Variants in ARID4A observed in about 807,000 individuals in gnomAD.
ARID4A encodes the protein AT-rich interaction domain 4A.
A neutral mutation model predicts 148.6 loss-of-function variants in ARID4A; 39 were observed. The observed-to-expected ratio is 0.26, with a 90% confidence interval of 0.20 to 0.34. The LOEUF is 0.34. Ranked by LOEUF, ARID4A falls within the 10% of genes least tolerant of loss-of-function variation. The pLI, the probability that ARID4A is intolerant of heterozygous loss-of-function variation, is 1.00. For synonymous variants in ARID4A, 475 were observed against 481.2 expected (o/e 0.99, Z 0.17); for missense variants, 1,265 against 1,449.1 (o/e 0.87, Z 2.06).
chr14:58,365,753 G>T, intron 21 of ARID4A, 131 bp downstream of exon 21: 1 of 835,616 alleles, frequency 1.2e-6, no homozygotes, highest in Non-Finnish European at 1.8e-6. Context: ...TATTATACTA[G>T]ATATTTTGCC....
rs184839848 is a variant in ARID4A at position 58,309,107 on chromosome 14, T to G, written c.274+2995T>G. Among the ~76,000 whole-genome samples, 33 of 152,298 alleles carry G rather than the reference T, an allele frequency of 2.2e-4. No individual in the cohort carries two copies. In the East Asian group the frequency reaches 6.4e-3, roughly 29 times the overall value. On this transcript the variant is annotated intron_variant, in intron 5 of 23. Coordinates refer to ENST00000355431, the MANE Select transcript of ARID4A (RefSeq NM_002892.4). Reference sequence around the variant, plus strand: ...TGGTAATATCTTACCCTCTAATGGTTTATTTCTTGTTTGTTTGTTCGTTTT... The same window carrying G: ...TGGTAATATCTTACCCTCTAATGGTGTATTTCTTGTTTGTTTGTTCGTTTT...
At chr14:58,327,784 A>T (rs1180525398) in intron 8 of ARID4A, among the ~76,000 whole-genome samples, 1 of 151,976 alleles carries the variant, frequency 6.6e-6, no homozygotes, top group Non-Finnish European at 1.5e-5. Flanking sequence ...TGATCTTACC[A>T]TCCCAACCTT....
chr14:58,356,703 T>C (rs1409389412), intron 17 of ARID4A, among the ~76,000 whole-genome samples: 2 of 150,800 alleles, frequency 1.3e-5, no homozygotes, highest in Non-Finnish European at 3.0e-5. Context: ...ATTTTGATTT[T>C]TTTTTTTTTT....
In ARID4A at chr14:58,329,592, T is replaced by G. The variant is rs765009224; in HGVS notation, c.727T>G (p.Ser243Ala). Residue 243 changes from serine (S) to alanine (A), a missense_variant, in exon 10 of 24, where the codon TCC becomes GCC. Transcript: ENST00000355431. ...DILNLPESEL[S>A]TKPGLQKASI... is the part of the protein sequence containing the mutation. Reference sequence around the variant, plus strand: ...TCTCAATCTACCGGAATCTGAGCTCTCCACTAAACCAGGTAAAATAAAGAT... The same window carrying G: ...TCTCAATCTACCGGAATCTGAGCTCGCCACTAAACCAGGTAAAATAAAGAT... The G allele has an allele frequency of 6.2e-7, 1 of 1,602,410 alleles. No homozygotes were observed. The highest frequency in any genetic ancestry group is 8.6e-7 in the Non-Finnish European group (1 of 1,169,572).
chr14:58,365,897 T>C (rs1397663364), intron 21 of ARID4A, 127 bp from the exon 22 acceptor site: 7 of 896,010 alleles, frequency 7.8e-6, no homozygotes, highest in Non-Finnish European at 1.2e-5. Flanking sequence ...TTTATATTGT[T>C]ATAAACTTTG....
At position 58,299,825 on chromosome 14, in the gene ARID4A, G is replaced by A. The variant is rs1221942205; in HGVS notation, c.-30G>A. 6.2e-7 allele frequency: 1 copy of A among 1,614,224 alleles called. No individual in the cohort carries two copies. Among genetic ancestry groups the A allele is most frequent in the South Asian group, 1.1e-5 (1 of 91,088 alleles). On this transcript the variant is annotated 5_prime_UTR_variant, in exon 2 of 24. Coordinates refer to ENST00000355431, the MANE Select transcript of ARID4A (RefSeq NM_002892.4). ...CTAGCGACTGCGAAGATAGCTCGCT[G>A]AGCTGGAACCCCACAGATCACCAAC... is the stretch of plus-strand genomic sequence containing the variant.
At position 58,330,003 on chromosome 14, in the gene ARID4A, G is replaced by A. The variant is rs1483451289; in HGVS notation, c.740G>A (p.Gly247Glu). Reference protein sequence around the residue: ...LPESELSTKPGLQKASIFLKT... With the variant: ...LPESELSTKPELQKASIFLKT... ...TGCTGAAGTACATTTTCACTCTTAG[G>A]GCTTCAGAAAGCAAGCATCTTCTTA... The change falls in exon 11 of 24, where the codon GGG becomes GAG. Residue 247 changes from glycine to glutamate, a missense_variant and splice_region_variant. Around this residue, in one of 9 missense-constraint regions of ARID4A, gnomAD observed 249 missense variants for 277.2 expected, o/e 0.90. Transcript: ENST00000355431. The A allele has an allele frequency of 6.2e-7, 1 of 1,608,216 alleles. No homozygotes were observed. The highest frequency in any genetic ancestry group is 1.7e-5 in the Admixed American group (1 of 58,162).
chr14:58,351,270 A>C lies in ARID4A; in HGVS notation c.1602A>C (p.Lys534Asn), dbSNP rs1405511180. ...AGCAAAAAGAGAAGAAAATTAAAAAACAGGAGGATTCTGACAAAGACTCAG... is the reference window on the plus strand; with the variant it reads ...AGCAAAAAGAGAAGAAAATTAAAAACCAGGAGGATTCTGACAAAGACTCAG... The part of the protein sequence containing the change: ...TPKQKEKKIK[K>N]QEDSDKDSDE... Residue 534 changes from lysine (K) to asparagine (N), a missense_variant, in exon 16 of 24, where the codon AAA becomes AAC. Transcript: ENST00000355431. The C allele has an allele frequency of 6.2e-7, 1 of 1,610,814 alleles. No homozygotes were observed. The highest frequency in any genetic ancestry group is 1.1e-5 in the South Asian group (1 of 89,986).
chr14:58,365,254 T>G lies in ARID4A; in HGVS notation c.3165T>G (p.Ser1055=). The G allele has an allele frequency of 6.2e-7, 1 of 1,614,018 alleles. No individual in the cohort carries two copies. The highest frequency in any genetic ancestry group is 8.5e-7 in the Non-Finnish European group (1 of 1,179,948). Reference sequence around the variant, plus strand: ...ATGGATTTGAAACTAATGTTGCCTCTGGTACCTGTAGTATAATTGTACAAG... The same window carrying G: ...ATGGATTTGAAACTAATGTTGCCTCGGGTACCTGTAGTATAATTGTACAAG... The part of the protein sequence containing the change: ...SANGFETNVA[S]GTCSIIVQER... Residue 1055 remains serine, a synonymous_variant, in exon 20 of 24, where the codon TCT becomes TCG. Transcript: ENST00000355431.
chr14:58,315,383 T>G (rs1437675101), intron 5 of ARID4A, among the ~76,000 whole-genome samples: 1 of 152,216 alleles, frequency 6.6e-6, no homozygotes, highest in East Asian at 1.9e-4. Context: ...TTTAAAATGT[T>G]GAAATTGTTG....
chr14:58,349,986 G>A (rs1327209695), intron 15 of ARID4A, among the ~76,000 whole-genome samples: 1 of 151,120 alleles, frequency 6.6e-6, no homozygotes, highest in African/African-American at 2.4e-5. Context: ...GTGCGCGCCT[G>A]TAGTCCCAGC....
intron 5 of ARID4A, among the ~76,000 whole-genome samples, chr14:58,306,734 C>T (rs570918946): frequency 4.6e-5 from 7 of 152,206 alleles, no homozygotes; most frequent in African/African-American, 1.7e-4. Flanking sequence ...ACAAATTAGC[C>T]TGGTATTAGT....
intron 20 of ARID4A, 30 bp from the exon 21 acceptor site, chr14:58,365,488 T>TG (rs2035320937): frequency 2.6e-6 from 3 of 1,135,304 alleles, no homozygotes; most frequent in Non-Finnish European, 3.7e-6. Flanking sequence ...TTTTTTTTTT[T>TG]TCAACATTCT....
intron 7 of ARID4A, among the ~76,000 whole-genome samples, chr14:58,319,514 A>G (rs2032706728): frequency 2.4e-5 from 3 of 124,322 alleles, no homozygotes; most frequent in South Asian, 5.3e-4. Context: ...ATGAATGTCT[A>G]TATACTCTTT....
rs1451067980 is a variant in ARID4A at position 58,329,560 on chromosome 14, T to C, written c.695T>C (p.Val232Ala). The change falls in exon 10 of 24, where the codon GTA becomes GCA. Residue 232 changes from valine (V) to alanine (A), a missense_variant. Around this residue, in one of 9 missense-constraint regions of ARID4A, gnomAD observed 249 missense variants for 277.2 expected, o/e 0.90. Transcript: ENST00000355431. Reference protein sequence around the residue: ...YSIARKDIKEVDILNLPESEL... With the variant: ...YSIARKDIKEADILNLPESEL... Reference sequence around the variant, plus strand: ...ATAGCAAGAAAGGACATTAAGGAAGTAGACATTCTCAATCTACCGGAATCT... The same window carrying C: ...ATAGCAAGAAAGGACATTAAGGAAGCAGACATTCTCAATCTACCGGAATCT... 1.9e-6 allele frequency: 3 copies of C among 1,607,214 alleles called. No homozygotes were observed. The highest frequency in any genetic ancestry group is 1.7e-5 in the Admixed American group (1 of 59,964).
chr14:58,299,564 G>T, intron 1 of ARID4A: 1 of 534,832 alleles, frequency 1.9e-6, no homozygotes, highest in East Asian at 3.1e-5. Context: ...CCAGCGAGGC[G>T]GGGGCGCGGT....
intron 5 of ARID4A, among the ~76,000 whole-genome samples, chr14:58,313,654 T>A (rs543353899): frequency 2.6e-5 from 4 of 152,220 alleles, no homozygotes; most frequent in Admixed American, 2.6e-4. Context: ...GAGATGCCAA[T>A]AGCTAGGCTC....
intron 16 of ARID4A, chr14:58,353,442 A>C: frequency 2.4e-6 from 1 of 417,534 alleles, no homozygotes; most frequent in Admixed American, 4.1e-5. Flanking sequence ...TTTAAAAAGT[A>C]TGGATTTACT....
intron 2 of ARID4A, among the ~76,000 whole-genome samples, chr14:58,301,112 C>G (rs1047575303): frequency 3.9e-5 from 6 of 152,096 alleles, no homozygotes; most frequent in Non-Finnish European, 1.5e-5. Context: ...TGATACTTTC[C>G]TTATGAAAAG....
Sources: allele counts gnomAD v4.1 joint callset (sites outside exome capture counted in the v4.1 genomes callset), GRCh38; gene constraint gnomAD v4.1.1; regional missense constraint gnomAD v4.1.1; transcripts MANE v1.5; gene names NCBI Gene and HGNC (gene_info 2026-07-23, HGNC 2026-07-21).